KATNAL2: variants seen among roughly 807,000 people sequenced by gnomAD.
KATNAL2 encodes the protein katanin catalytic subunit A1 like 2.
KATNAL2 carries 52 observed loss-of-function variants against 76.3 expected under a neutral mutation model. That is an observed-to-expected ratio of 0.68 (90% CI 0.55 to 0.86). The LOEUF (loss-of-function observed/expected upper bound fraction) is 0.86, where lower values mean the gene tolerates loss of function less well. Among genes scored for constraint, KATNAL2 ranks in the 40% least tolerant of loss-of-function variants. The pLI is 0.00. For missense variants in KATNAL2, 660 were observed against 668.9 expected (o/e 0.99, Z 0.15); for synonymous variants, 243 against 244.2 (o/e 1.00, Z 0.05).
chr18:47,065,952 G>A (rs1040237515), intron 10 of KATNAL2, among the ~76,000 whole-genome samples: 2 of 151,884 alleles, frequency 1.3e-5, no homozygotes, highest in South Asian at 2.1e-4. Context: ...GCTACAGAGC[G>A]AGACCCAGTT....
chr18:47,034,577 A>T, intron 3 of KATNAL2: 1 of 1,614,132 alleles, frequency 6.2e-7, no homozygotes, highest in South Asian at 1.1e-5. Context: ...TCCTGGCGAG[A>T]CGATTTGTGC....
intron 3 of KATNAL2, among the ~76,000 whole-genome samples, chr18:46,961,959 G>T (rs146537729): frequency 1.3e-5 from 2 of 152,208 alleles, no homozygotes; most frequent in Non-Finnish European, 1.5e-5. Context: ...GAATTTCAGG[G>T]AGTCTGCGGA....
At chr18:46,921,086 GT>G (rs1176426476) in intron 1 of KATNAL2, among the ~76,000 whole-genome samples, 60 of 152,258 alleles carry the variant, frequency 3.9e-4, no homozygotes, top group African/African-American at 1.4e-3. Flanking sequence ...TATAAGTACT[GT>G]GATTAAAGTG....
rs935006979 is a variant in KATNAL2 at position 47,035,033 on chromosome 18, G to A, written c.52-11424G>A. On this transcript the variant is annotated intron_variant, in intron 3 of 17. Coordinates refer to ENST00000683218, the MANE Select transcript of KATNAL2 (RefSeq NM_001387690.1). ...CCAGGCCGGGTGTTTCGGTCCACGA[G>A]CACCAGCTTCTTCCACCGGGCCGCT... 4.3e-6 allele frequency: 7 copies of A among 1,611,688 alleles called. 1 individual carries two copies. Among genetic ancestry groups the A allele is most frequent in the African/African-American group, 4.0e-5 (3 of 74,852 alleles).
chr18:46,919,354 C>T (rs1373916230), intron 1 of KATNAL2, among the ~76,000 whole-genome samples: 4 of 152,060 alleles, frequency 2.6e-5, no homozygotes, highest in African/African-American at 9.7e-5. Flanking sequence ...GGCGTGGTGG[C>T]GCATTCCTGT....
intron 13 of KATNAL2, 109 bp from the exon 14 acceptor site, chr18:47,075,168 G>A (rs1227140196): frequency 1.9e-5 from 15 of 771,208 alleles, no homozygotes; most frequent in Non-Finnish European, 2.9e-5. Flanking sequence ...AAATAACAGA[G>A]TGCAGCATAA....
At chr18:47,059,720 A>G (rs1221227184) in intron 8 of KATNAL2, 66 bp downstream of exon 8, 3 of 1,139,044 alleles carry the variant, frequency 2.6e-6, no homozygotes, top group Non-Finnish European at 2.6e-6. Flanking sequence ...ACATGAAAAC[A>G]AAAAACATTA....
chr18:47,044,279 T>C (rs1416578731), intron 3 of KATNAL2, among the ~76,000 whole-genome samples: 3 of 152,160 alleles, frequency 2.0e-5, no homozygotes, highest in South Asian at 2.1e-4. Context: ...AAAGCTATCC[T>C]GGGCCACAGA....
rs377136030 is a variant in KATNAL2, at chr18:46,926,450, C to T, written c.-510+8524C>T. On this transcript the variant is annotated intron_variant, in intron 1 of 17. Transcript: ENST00000683218. ...TTTGATTGCACTGTGGTCTGAGAGA[C>T]AGTTTGTTATAATTGCTGTTCTTTT... Among the ~76,000 whole-genome samples, 9 of 152,206 alleles carry T rather than the reference C, an allele frequency of 5.9e-5. No individual in the cohort carries two copies. In the South Asian group the frequency reaches 1.9e-3, roughly 32 times the overall value.
intron 3 of KATNAL2, chr18:47,035,729 T>C (rs973583037): frequency 1.4e-5 from 3 of 215,264 alleles, no homozygotes; most frequent in African/African-American, 6.9e-5. Context: ...GTTGATTAGG[T>C]TAATTTCAGC....
intron 10 of KATNAL2, among the ~76,000 whole-genome samples, chr18:47,066,022 A>T (rs760891703): frequency 5.9e-5 from 9 of 151,776 alleles, no homozygotes; most frequent in Admixed American, 1.3e-4. Context: ...TTAAAAAAAT[A>T]AAAATGAACC....
At chr18:47,053,385 T>A (rs1296350138) in intron 5 of KATNAL2, among the ~76,000 whole-genome samples, 1 of 152,216 alleles carries the variant, frequency 6.6e-6, no homozygotes, top group African/African-American at 2.4e-5. Context: ...GACAGAAGAC[T>A]TTTTTTGTTT....
intron 7 of KATNAL2, 31 bp downstream of exon 7, chr18:47,058,383 A>G (rs759042349): frequency 7.8e-7 from 1 of 1,280,638 alleles, no homozygotes. Context: ...CTTTGTGAAC[A>G]GCACACTTGG....
intron 10 of KATNAL2, among the ~76,000 whole-genome samples, chr18:47,063,939 A>G (rs969944972): frequency 6.6e-6 from 1 of 152,184 alleles, no homozygotes; most frequent in Non-Finnish European, 1.5e-5. Flanking sequence ...AGTTCCTGGG[A>G]AATAAAATAG....
intron 1 of KATNAL2, among the ~76,000 whole-genome samples, chr18:46,935,455 A>C (rs2059059159): frequency 6.6e-6 from 1 of 152,036 alleles, no homozygotes; most frequent in Non-Finnish European, 1.5e-5. Context: ...CAGCAAAAAT[A>C]TCTCTTCTGG....
intron 3 of KATNAL2, among the ~76,000 whole-genome samples, chr18:47,036,880 T>A (rs188908872): frequency 3.9e-4 from 59 of 152,350 alleles, no homozygotes; most frequent in African/African-American, 1.4e-3. Context: ...CTAGCATTTT[T>A]TTGGGTTGTA....
rs2061530619 is a variant in KATNAL2, at chr18:47,058,356, A to C, written c.450+4A>C. ...CAATAAGGAGCATCCTAATCAGGTC[A>C]GGATGGCTTGGCTTGACTTTGTGAA... On this transcript the variant is annotated splice_donor_region_variant and intron_variant, in intron 7 of 17. Transcript: ENST00000683218. The C allele has an allele frequency of 6.3e-7, 1 of 1,574,890 alleles. No individual in the cohort carries two copies. The highest frequency in any genetic ancestry group is 1.7e-5 in the Admixed American group (1 of 59,404).
At position 47,046,741 on chromosome 18, in the gene KATNAL2, G is replaced by A. The variant is rs115629142; in HGVS notation, c.122+214G>A. ...TGTATTGATGTGGTTTATTACTACC[G>A]TTGATGAGCCAATACATTATTAACT... On this transcript the variant is annotated intron_variant, in intron 4 of 17. Transcript: ENST00000683218. 1.0e-3 allele frequency among the ~76,000 whole-genome samples: 154 copies of A among 152,144 alleles called. 2 individuals carry two copies. Among genetic ancestry groups the A allele is most frequent in the African/African-American group, 3.4e-3 (141 of 41,510 alleles).
chr18:46,957,147 GCC>G (rs1164982268), intron 3 of KATNAL2, among the ~76,000 whole-genome samples: 7 of 151,810 alleles, frequency 4.6e-5, no homozygotes, highest in African/African-American at 1.7e-4. Context: ...GCTTTGGGGT[GCC>G]CAGGCATTTG....
Sources: allele counts gnomAD v4.1 joint callset (sites outside exome capture counted in the v4.1 genomes callset), GRCh38; gene constraint gnomAD v4.1.1; transcripts MANE v1.5; gene names NCBI Gene and HGNC (gene_info 2026-07-23, HGNC 2026-07-21).